TLN2: variants seen among roughly 807,000 people sequenced by gnomAD.
TLN2 encodes the protein talin 2.
A neutral mutation model predicts 294.7 loss-of-function variants in TLN2; 118 were observed. That is an observed-to-expected ratio of 0.40 (90% CI 0.34 to 0.47). The LOEUF (loss-of-function observed/expected upper bound fraction) is 0.47, where lower values mean the gene tolerates loss of function less well. Among genes scored for constraint, TLN2 ranks in the 20% least tolerant of loss-of-function variants. TLN2 has a pLI of 0.84. For synonymous variants in TLN2, 1,431 were observed against 1,304.5 expected (o/e 1.10, Z -2.09); for missense variants, 3,083 against 3,282.2 (o/e 0.94, Z 1.48).
intron 27 of TLN2, 124 bp from the exon 28 acceptor site, chr15:62,726,963 G>T: frequency 2.1e-6 from 2 of 962,752 alleles, no homozygotes; most frequent in Non-Finnish European, 3.1e-6. Context: ...CTGCGGCTTA[G>T]TGCCATTGGT....
chr15:62,755,315 G>A (rs959456805), intron 36 of TLN2: 1 of 542,858 alleles, frequency 1.8e-6, no homozygotes, highest in South Asian at 2.7e-5. Flanking sequence ...CACTATGTCA[G>A]CACCTCCTTT....
chr15:62,700,457 T>C (rs2058643673), intron 16 of TLN2, among the ~76,000 whole-genome samples: 1 of 152,188 alleles, frequency 6.6e-6, no homozygotes, highest in South Asian at 2.1e-4. Context: ...TTAAAAACCA[T>C]TGAATTTCCA....
intron 44 of TLN2, among the ~76,000 whole-genome samples, chr15:62,783,190 C>G (rs1013326619): frequency 2.0e-5 from 3 of 152,224 alleles, no homozygotes; most frequent in Non-Finnish European, 2.9e-5. Context: ...AAGCTGTATC[C>G]TCTATGAGTG....
At chr15:62,760,589 C>T (rs889283566) in intron 37 of TLN2, among the ~76,000 whole-genome samples, 1 of 152,158 alleles carries the variant, frequency 6.6e-6, no homozygotes, top group African/African-American at 2.4e-5. Flanking sequence ...GGGAGGGTTT[C>T]TGTCATTGGG....
chr15:62,482,498 A>T (rs1305474801), intron 1 of TLN2, among the ~76,000 whole-genome samples: 2 of 143,790 alleles, frequency 1.4e-5, no homozygotes. Context: ...GCTACTCAGG[A>T]GGGGGGAGGC....
chr15:62,591,580 A>G (rs2046079066), intron 2 of TLN2, among the ~76,000 whole-genome samples: 1 of 152,212 alleles, frequency 6.6e-6, no homozygotes, highest in African/African-American at 2.4e-5. Context: ...AAAACTTGAC[A>G]GTTTTAAGTA....
chr15:62,620,021 G>C (rs2048651962), intron 3 of TLN2, among the ~76,000 whole-genome samples: 2 of 152,126 alleles, frequency 1.3e-5, no homozygotes, highest in African/African-American at 4.8e-5. Context: ...TGTTGCCCAG[G>C]CTAGAATGCA....
chr15:62,535,746 G>A (rs2041312638), intron 1 of TLN2, among the ~76,000 whole-genome samples: 1 of 152,004 alleles, frequency 6.6e-6, no homozygotes, highest in African/African-American at 2.4e-5. Flanking sequence ...GTAGAGACGG[G>A]GTTTCACTAT....
chr15:62,791,833 A>G (rs1350771953), intron 45 of TLN2, among the ~76,000 whole-genome samples: 2 of 152,260 alleles, frequency 1.3e-5, no homozygotes, highest in African/African-American at 2.4e-5. Flanking sequence ...GATGTGAAAC[A>G]GGGCCGGAGG....
chr15:62,489,548 A>T (rs2038593632), intron 1 of TLN2, among the ~76,000 whole-genome samples: 1 of 152,146 alleles, frequency 6.6e-6, no homozygotes, highest in South Asian at 2.1e-4. Flanking sequence ...CTGCCCCCAA[A>T]GCACAAATAC....
intron 1 of TLN2, among the ~76,000 whole-genome samples, chr15:62,488,069 ACT>A (rs1485153503): frequency 2.0e-5 from 3 of 152,080 alleles, no homozygotes; most frequent in Non-Finnish European, 2.9e-5. Context: ...ACAAAGCAAG[ACT>A]CTGTCTCAAA....
intron 22 of TLN2, among the ~76,000 whole-genome samples, chr15:62,712,283 C>T (rs1175998789): frequency 6.6e-6 from 1 of 152,196 alleles, no homozygotes; most frequent in African/African-American, 2.4e-5. Context: ...GGTACTGACT[C>T]AGCCATAGTA....
At chr15:62,706,965 A>AT (rs1394411703) in intron 19 of TLN2, 121 bp from the exon 20 acceptor site, 1 of 1,256,508 alleles carries the variant, frequency 8.0e-7, no homozygotes, top group East Asian at 2.6e-5. Context: ...AAAAAAAAGT[A>AT]AAAAAACTTC....
chr15:62,733,242 A>G (rs150779204), intron 28 of TLN2, among the ~76,000 whole-genome samples: 20 of 152,312 alleles, frequency 1.3e-4, no homozygotes, highest in Non-Finnish European at 2.4e-4. Context: ...CTGCCCAGAA[A>G]GTCATGTCAA....
In TLN2 at chr15:62,823,403, A is replaced by ATCACT. The variant is rs550488906; in HGVS notation, c.7002+2796_7002+2800dup. On this transcript the variant is annotated intron_variant, in intron 54 of 58. Coordinates refer to ENST00000636159, the MANE Select transcript of TLN2 (RefSeq NM_015059.3). ...AAAATCAGCCAGTCTTTTGAGTTGAATCACTTCTCTCCATTCTCTCCCAAA... is the reference window on the plus strand; with the variant it reads ...AAAATCAGCCAGTCTTTTGAGTTGAATCACTTCACTTCTCTCCATTCTCTCCCAAA... Among the ~76,000 whole-genome samples, 296 of 152,338 alleles carry ATCACT rather than the reference A, an allele frequency of 1.9e-3. 4 individuals are homozygous for ATCACT. The highest frequency in any genetic ancestry group is 6.5e-3 in the African/African-American group (269 of 41,568).
At chr15:62,661,694 T>C (rs1303675033) in intron 9 of TLN2, among the ~76,000 whole-genome samples, 4 of 152,136 alleles carry the variant, frequency 2.6e-5, no homozygotes, top group Non-Finnish European at 5.9e-5. Context: ...GTCTATACTA[T>C]CTCTAAAAGA....
At chr15:62,774,347 G>A (rs2063550091) in intron 42 of TLN2, among the ~76,000 whole-genome samples, 1 of 152,104 alleles carries the variant, frequency 6.6e-6, no homozygotes, top group Admixed American at 6.6e-5. Flanking sequence ...ACAGTAACAA[G>A]GAACCCCTCC....
intron 11 of TLN2, among the ~76,000 whole-genome samples, chr15:62,678,972 A>G (rs2056524893): frequency 6.6e-6 from 1 of 152,216 alleles, no homozygotes; most frequent in African/African-American, 2.4e-5. Context: ...AAATGAAGGA[A>G]CAAAATTACT....
chr15:62,640,387 C>T (rs6494334), intron 3 of TLN2: 109,385 of 455,796 alleles, frequency 0.24, 15,484 homozygotes, highest in East Asian at 0.42. Context: ...AAGAGGGGGA[C>T]GGTGGCCAGC....
Sources: gnomAD v4.1 joint callset for allele counts (sites outside exome capture counted in the v4.1 genomes callset) on GRCh38, gnomAD v4.1.1 for gene constraint, MANE v1.5 for transcripts, NCBI Gene and HGNC (gene_info 2026-07-23, HGNC 2026-07-21) for gene names.